The following RALGPS1 variants were observed in gnomAD, a reference collection of about 807,000 sequenced individuals.
RALGPS1 encodes the protein ras-specific guanine nucleotide-releasing factor RalGPS1.
A neutral mutation model predicts 78.8 loss-of-function variants in RALGPS1; 19 were observed. That is an observed-to-expected ratio of 0.24 (90% CI 0.17 to 0.35). The LOEUF (loss-of-function observed/expected upper bound fraction) is 0.35. Among genes scored for constraint, RALGPS1 ranks in the 10% least tolerant of loss-of-function variants. The pLI, the probability that RALGPS1 is intolerant of heterozygous loss-of-function variation, is 1.00. For missense variants in RALGPS1, 454 were observed against 688.3 expected (o/e 0.66, Z 3.81); for synonymous variants, 228 against 256.3 (o/e 0.89, Z 1.06).
intron 8 of RALGPS1, among the ~76,000 whole-genome samples, chr9:127,081,135 C>T (rs964363363): frequency 2.0e-5 from 3 of 152,234 alleles, no homozygotes; most frequent in Non-Finnish European, 4.4e-5. Flanking sequence ...TTTCTGCAAA[C>T]AGGATATGAG....
intron 1 of RALGPS1, among the ~76,000 whole-genome samples, chr9:126,958,142 A>AATAAATATATATATATAT (rs1554765219): frequency 6.5e-5 from 5 of 77,106 alleles, no homozygotes; most frequent in African/African-American, 2.0e-4. Flanking sequence ...AAAAAAAAAA[A>AATAAATATATATATATAT]ATATATATAT....
At chr9:126,989,067 TATC>T (rs918084155) in intron 4 of RALGPS1, among the ~76,000 whole-genome samples, 2 of 152,020 alleles carry the variant, frequency 1.3e-5, no homozygotes, top group Middle Eastern at 3.4e-3. Context: ...GACCCCACCT[TATC>T]ATCATCATCA....
intron 8 of RALGPS1, among the ~76,000 whole-genome samples, chr9:127,164,167 A>G (rs914956451): frequency 1.5e-4 from 23 of 152,122 alleles, no homozygotes; most frequent in African/African-American, 5.3e-4. Context: ...TTTTCTTTAT[A>G]TACAATCAAT....
chr9:127,126,837 T>C lies in RALGPS1; in HGVS notation c.611-39232T>C, dbSNP rs79510610. ...CTAATTCCAACATCTGGCTCATTAG[T>C]GAGTTTGATTTTACTGCTTTTTTTT... On this transcript the variant is annotated intron_variant, in intron 8 of 18. Coordinates refer to ENST00000259351, the MANE Select transcript of RALGPS1 (RefSeq NM_014636.3). Among the ~76,000 whole-genome samples the C allele has an allele frequency of 2.4e-3, 366 of 152,362 alleles. 3 individuals are homozygous for C. Among genetic ancestry groups the C allele is most frequent in the African/African-American group, 8.4e-3 (348 of 41,584 alleles).
chr9:127,174,734 C>A lies in RALGPS1; in HGVS notation c.862C>A (p.Pro288Thr). 1 of 1,614,148 alleles carries A rather than the reference C, an allele frequency of 6.2e-7. No individual in the cohort carries two copies. The highest frequency in any genetic ancestry group is 8.5e-7 in the Non-Finnish European group (1 of 1,180,002). The change falls in exon 11 of 19, where the codon CCA becomes ACA. Residue 288 changes from proline (P) to threonine (T), a missense_variant. Physicochemically the swap from Pro to Thr is conservative, Grantham distance 38 (BLOSUM62 -1). Coordinates refer to ENST00000259351, the MANE Select transcript of RALGPS1 (RefSeq NM_014636.3). ...TTTCAGACTGTCGCTCAGAATCGAA[C>A]CAGGAAGCAGCTCTCCAAGACTAGT... ...DNYKLSLRIE[P>T]GSSSPRLVSS... is the part of the protein sequence containing the mutation.
At chr9:127,043,349 C>G (rs191221053) in intron 5 of RALGPS1, among the ~76,000 whole-genome samples, 1 of 149,660 alleles carries the variant, frequency 6.7e-6, no homozygotes, top group Non-Finnish European at 1.5e-5. Context: ...GGGCATTCAG[C>G]GGAGAAAGGA....
chr9:127,102,390 A>G (rs1026686378), intron 8 of RALGPS1, among the ~76,000 whole-genome samples: 1 of 152,106 alleles, frequency 6.6e-6, no homozygotes, highest in East Asian at 1.9e-4. Flanking sequence ...TTAATACTAT[A>G]CAAGTTCACC....
At position 127,222,932 on chromosome 9, in the gene RALGPS1, G is replaced by A. The variant is rs2062812619; in HGVS notation, c.*4163G>A. ...CTCCAGCAGACCCCTGCATGCAGTT[G>A]TGTAAGGACTTTCTCTAATTCTTGT... is the stretch of plus-strand genomic sequence containing the variant. On this transcript the variant is annotated 3_prime_UTR_variant, in exon 19 of 19. Coordinates refer to ENST00000259351, the MANE Select transcript of RALGPS1 (RefSeq NM_014636.3). 1 of 152,634 alleles carries A rather than the reference G, an allele frequency of 6.6e-6. No homozygotes were observed. Among genetic ancestry groups the A allele is most frequent in the East Asian group, 1.9e-4 (1 of 5,204 alleles). 9.5% of individuals were successfully genotyped at this position (152,634 alleles called of 1,614,324 possible).
At chr9:126,941,167 G>C (rs543457978) in intron 1 of RALGPS1, among the ~76,000 whole-genome samples, 13 of 99,816 alleles carry the variant, frequency 1.3e-4, no homozygotes, top group East Asian at 1.3e-3. Context: ...GTCTAGTTGT[G>C]GGGGGGGGTT....
chr9:127,158,408 C>T (rs1297732122), intron 8 of RALGPS1, among the ~76,000 whole-genome samples: 1 of 152,070 alleles, frequency 6.6e-6, no homozygotes, highest in Non-Finnish European at 1.5e-5. Flanking sequence ...ACTAAGCATT[C>T]ATTTCATCTA....
intron 8 of RALGPS1, among the ~76,000 whole-genome samples, chr9:127,136,379 T>C (rs2057392043): frequency 6.6e-6 from 1 of 152,218 alleles, no homozygotes; most frequent in African/African-American, 2.4e-5. Context: ...AAGCAGGAGC[T>C]GAGCCAGAGA....
At chr9:126,987,766 A>T (rs1564368799) in intron 4 of RALGPS1, among the ~76,000 whole-genome samples, 1 of 152,046 alleles carries the variant, frequency 6.6e-6, no homozygotes, top group African/African-American at 2.4e-5. Flanking sequence ...TCATTTACTC[A>T]TTCATCAGTC....
intron 6 of RALGPS1, 128 bp downstream of exon 6, chr9:127,050,260 G>A: frequency 1.3e-6 from 1 of 798,826 alleles, no homozygotes; most frequent in Non-Finnish European, 2.1e-6. Context: ...TTCAAACAGG[G>A]TGCTGTGGCT....
At chr9:127,101,493 G>GACCCTCCATCCTTC (rs1188061185) in intron 8 of RALGPS1, among the ~76,000 whole-genome samples, 1 of 151,944 alleles carries the variant, frequency 6.6e-6, no homozygotes, top group Non-Finnish European at 1.5e-5. Context: ...CTCTATCCTT[G>GACCCTCCATCCTTC]ACCCTCCATC....
intron 4 of RALGPS1, among the ~76,000 whole-genome samples, chr9:127,015,903 C>T (rs1290895346): frequency 2.6e-5 from 4 of 152,226 alleles, no homozygotes; most frequent in African/African-American, 7.2e-5. Flanking sequence ...CTGATCCCAC[C>T]TGGGGTTTAA....
chr9:126,944,964 G>A (rs1000473495), intron 1 of RALGPS1, among the ~76,000 whole-genome samples: 1 of 152,194 alleles, frequency 6.6e-6, no homozygotes. Flanking sequence ...CAAGCCTATA[G>A]AGTGAAAGAG....
chr9:127,107,815 T>G, intron 8 of RALGPS1: 1 of 1,291,334 alleles, frequency 7.7e-7, no homozygotes, highest in Non-Finnish European at 1.1e-6. Context: ...TTGGCCTGGC[T>G]TCAACTGGCC....
At chr9:126,951,644 A>G (rs561062798) in intron 1 of RALGPS1, among the ~76,000 whole-genome samples, 1 of 152,262 alleles carries the variant, frequency 6.6e-6, no homozygotes, top group Admixed American at 6.5e-5. Context: ...ACTCTCAATA[A>G]ATTAGGTATT....
rs192305540 is a variant in RALGPS1 at position 126,977,245 on chromosome 9, A to G, written c.166-450A>G. 2.8e-3 allele frequency among the ~76,000 whole-genome samples: 421 copies of G among 152,346 alleles called. 2 individuals are homozygous for G. Among genetic ancestry groups the G allele is most frequent in the African/African-American group, 9.5e-3 (394 of 41,574 alleles). ...ATCAATGACTTCAGAAGAAAAATATAATTTCTATAAGCCACAGCTTTAAAA... is the reference window on the plus strand; with the variant it reads ...ATCAATGACTTCAGAAGAAAAATATGATTTCTATAAGCCACAGCTTTAAAA... On this transcript the variant is annotated intron_variant, in intron 3 of 18. Coordinates refer to ENST00000259351, the MANE Select transcript of RALGPS1 (RefSeq NM_014636.3).
Sources: gnomAD v4.1 joint callset for allele counts (sites outside exome capture counted in the v4.1 genomes callset) on GRCh38, gnomAD v4.1.1 for gene constraint, MANE v1.5 for transcripts, NCBI Gene and HGNC (gene_info 2026-07-23, HGNC 2026-07-21) for gene names.